Variants in RNF220 observed in about 807,000 individuals in gnomAD.
RNF220 encodes ring finger protein 220.
A neutral mutation model predicts 67.1 loss-of-function variants in RNF220; 7 were observed. The observed-to-expected ratio is 0.10, with a 90% CI of 0.06 to 0.20. The LOEUF is 0.20. RNF220 is among the 10% of genes least tolerant of loss of function. RNF220 has a pLI of 1.00. For synonymous variants in RNF220, 270 were observed against 283.2 expected, an observed-to-expected ratio of 0.95 and a Z score of 0.47; for missense variants, 565 against 740.3, an observed-to-expected ratio of 0.76 and a Z score of 2.75.
At chr1:44,468,325 C>T (rs996580128) in intron 2 of RNF220, among the ~76,000 whole-genome samples, 62 of 152,156 alleles carry the variant, frequency 4.1e-4, no homozygotes, top group African/African-American at 1.5e-3. Flanking sequence ...GGCAATTTGG[C>T]AATATCTATC....
chr1:44,630,265 GACTA>G (rs1388565714), intron 5 of RNF220, among the ~76,000 whole-genome samples: 1 of 152,162 alleles, frequency 6.6e-6, no homozygotes, highest in African/African-American at 2.4e-5. Context: ...AGCCCCTGCT[GACTA>G]ACTAACCCTC....
chr1:44,635,751 T>C lies in RNF220; in HGVS notation c.993+163T>C, dbSNP rs1644309711. ...TGACTGCCCCTGAATCTGTGGGCTC[T>C]TGGGGTCTCCATGTGGTCTCAGCAG... On this transcript the variant is annotated intron_variant, in intron 7 of 14. Transcript: ENST00000361799. 3 of 1,471,406 alleles carry C rather than the reference T, an allele frequency of 2.0e-6. No individual in the cohort carries two copies. In the South Asian group the frequency reaches 4.1e-5, roughly 20 times the overall value. 91.1% of individuals were successfully genotyped at this position (1,471,406 alleles called of 1,614,324 possible).
At chr1:44,520,077 G>T (rs866378083) in intron 2 of RNF220, among the ~76,000 whole-genome samples, 1 of 142,764 alleles carries the variant, frequency 7.0e-6, no homozygotes, top group Admixed American at 7.2e-5. Flanking sequence ...AGATGCTGAA[G>T]TCCAGCATTG....
At chr1:44,526,036 C>T (rs1660344627) in intron 2 of RNF220, among the ~76,000 whole-genome samples, 1 of 152,182 alleles carries the variant, frequency 6.6e-6, no homozygotes. Flanking sequence ...CCTGCCCGAC[C>T]TTGACCCTTT....
At chr1:44,419,523 A>G (rs1235396147) in intron 2 of RNF220, 1 of 152,234 alleles carries the variant, frequency 6.6e-6, no homozygotes, top group Non-Finnish European at 1.5e-5. Flanking sequence ...TTAGTGTTTA[A>G]AAAAATTATT....
intron 2 of RNF220, among the ~76,000 whole-genome samples, chr1:44,520,085 TTGTGTGTGTGTGTGTGTGTGTGTG>T (rs1167831790): frequency 1.9e-5 from 2 of 106,386 alleles, no homozygotes; most frequent in African/African-American, 7.0e-5. Context: ...AAGTCCAGCA[TTGTGTGTGTGTGTGTGTGTGTGTG>T]TGTGTGTGTG....
At chr1:44,432,466 T>G (rs1001263198) in intron 2 of RNF220, among the ~76,000 whole-genome samples, 1 of 152,126 alleles carries the variant, frequency 6.6e-6, no homozygotes, top group African/African-American at 2.4e-5. Flanking sequence ...AGACAGGGTT[T>G]CACCATGTTG....
intron 2 of RNF220, among the ~76,000 whole-genome samples, chr1:44,552,613 C>T (rs1172199523): frequency 2.2e-4 from 26 of 117,206 alleles, no homozygotes; most frequent in Admixed American, 2.2e-4. Flanking sequence ...CTCTGTCACC[C>T]AGGCTGGAGT....
At chr1:44,632,489 C>T (rs1644187227) in intron 6 of RNF220, 104 bp downstream of exon 6, 6 of 991,764 alleles carry the variant, frequency 6.0e-6, no homozygotes, top group East Asian at 4.2e-5. Context: ...GACTCTGGGG[C>T]CCGTTGGCTT....
At chr1:44,602,419 G>T (rs1446739140) in intron 2 of RNF220, among the ~76,000 whole-genome samples, 2 of 152,164 alleles carry the variant, frequency 1.3e-5, no homozygotes, top group African/African-American at 4.8e-5. Flanking sequence ...GCATCTCCAG[G>T]TTCCGGGGAA....
Position 44,412,349 on chromosome 1 carries a change from C to G in RNF220, c.252C>G (p.Ala84=). ...AAGGTGGGGTGCCAGGCACTTTTGCCAATCGTGATTTCCCCCCTTCTCTAC... is the reference window on the plus strand; with the variant it reads ...AAGGTGGGGTGCCAGGCACTTTTGCGAATCGTGATTTCCCCCCTTCTCTAC... ...HRQGGVPGTF[A]NRDFPPSLLH... Residue 84 remains alanine, a synonymous_variant, in exon 2 of 15, where the codon GCC becomes GCG. Coordinates refer to ENST00000361799, the MANE Select transcript of RNF220 (RefSeq NM_018150.4). The surrounding 1 kb of genome is among the most constrained non-coding windows in gnomAD (Gnocchi z 5.3). 1 of 1,614,204 alleles carries G rather than the reference C, an allele frequency of 6.2e-7. No individual in the cohort carries two copies. Among genetic ancestry groups the G allele is most frequent in the East Asian group, 2.2e-5 (1 of 44,880 alleles).
rs1322366968 is a variant in RNF220 at position 44,645,810 on chromosome 1, C to T, written c.1445+322C>T. Among the ~76,000 whole-genome samples the T allele has an allele frequency of 6.6e-6, 1 of 152,264 alleles. No individual in the cohort carries two copies. Among genetic ancestry groups the T allele is most frequent in the East Asian group, 1.9e-4 (1 of 5,196 alleles). On this transcript the variant is annotated intron_variant, in intron 12 of 14. Coordinates refer to ENST00000361799, the MANE Select transcript of RNF220 (RefSeq NM_018150.4). This position sits in a 1 kb window ranked among gnomAD's most constrained non-coding sequence, Gnocchi z 5.0. Reference sequence around the variant, plus strand: ...CCCAGCCCAGCCGGCACACTTGATTCATCTCCAGTTTCTGTTTCTTAATCG... The same window carrying T: ...CCCAGCCCAGCCGGCACACTTGATTTATCTCCAGTTTCTGTTTCTTAATCG...
intron 2 of RNF220, among the ~76,000 whole-genome samples, chr1:44,559,382 C>T (rs903525374): frequency 1.3e-5 from 2 of 152,268 alleles, no homozygotes; most frequent in African/African-American, 2.4e-5. Context: ...AAGCTTTTTC[C>T]TGGGAATGAT....
chr1:44,421,097 C>A (rs1267513706), intron 2 of RNF220, among the ~76,000 whole-genome samples: 1 of 152,140 alleles, frequency 6.6e-6, no homozygotes, highest in Non-Finnish European at 1.5e-5. Flanking sequence ...CAGGATTAGC[C>A]CTGGTGTCCT....
intron 2 of RNF220, among the ~76,000 whole-genome samples, chr1:44,544,102 AGCAAGAGGTCGGG>A (rs1661916057): frequency 6.6e-6 from 1 of 152,224 alleles, no homozygotes; most frequent in Admixed American, 6.5e-5. Flanking sequence ...GGGAATACCC[AGCAAGAGGTCGGG>A]AGGACCACAG....
intron 2 of RNF220, among the ~76,000 whole-genome samples, chr1:44,557,390 GGAAA>G (rs895555758): frequency 2.7e-5 from 4 of 148,816 alleles, no homozygotes; most frequent in African/African-American, 9.9e-5. Flanking sequence ...AGAAAGAGAA[GGAAA>G]GAAAGAGAGA....
chr1:44,417,050 T>A lies in RNF220; in HGVS notation c.625+4328T>A, dbSNP rs572276582. 6.6e-6 allele frequency among the ~76,000 whole-genome samples: 1 copy of A among 152,302 alleles called. No homozygotes were observed. The highest frequency in any genetic ancestry group is 2.1e-4 in the South Asian group (1 of 4,828). ...CTGGGACTGGGGTGGGCAGGGACTCTACACTGGGCTTTTAGGAGAGTTGTT... is the reference window on the plus strand; with the variant it reads ...CTGGGACTGGGGTGGGCAGGGACTCAACACTGGGCTTTTAGGAGAGTTGTT... On this transcript the variant is annotated intron_variant, in intron 2 of 14. Transcript: ENST00000361799. The surrounding 1 kb of genome is among the most constrained non-coding windows in gnomAD (Gnocchi z 4.0).
At chr1:44,526,194 G>A (rs865930023) in intron 2 of RNF220, among the ~76,000 whole-genome samples, 2 of 152,096 alleles carry the variant, frequency 1.3e-5, no homozygotes, top group South Asian at 2.1e-4. Flanking sequence ...GGAGAAAAGC[G>A]CATAACCATT....
chr1:44,501,583 C>T (rs2148085820), intron 2 of RNF220, among the ~76,000 whole-genome samples: 1 of 144,936 alleles, frequency 6.9e-6, no homozygotes, highest in Non-Finnish European at 1.5e-5. Flanking sequence ...GAAAGCAATG[C>T]GGCCAAGCAG....
Sources: allele counts gnomAD v4.1 joint callset (sites outside exome capture counted in the v4.1 genomes callset), GRCh38; gene constraint gnomAD v4.1.1; non-coding constraint Gnocchi (gnomAD v3.1); transcripts MANE v1.5; gene names NCBI Gene and HGNC (gene_info 2026-07-23, HGNC 2026-07-21).